The following XPO5 variants were observed in gnomAD, a reference collection of about 807,000 sequenced individuals.
The protein encoded by XPO5 is exportin-5.
XPO5 carries 46 observed loss-of-function variants against 160.6 expected under a neutral mutation model. The observed-to-expected ratio is 0.29, with a 90% confidence interval of 0.23 to 0.37. The LOEUF (loss-of-function observed/expected upper bound fraction) is 0.37, where lower values mean the gene tolerates loss of function less well. Among genes scored for constraint, XPO5 ranks in the 10% least tolerant of loss-of-function variants. The pLI, the probability that XPO5 is intolerant of heterozygous loss-of-function variation, is 1.00. For missense variants in XPO5, 1,090 were observed against 1,463.9 expected (o/e 0.74, Z 4.17); for synonymous variants, 537 against 519.3 (o/e 1.03, Z -0.46).
At chr6:43,552,821 A>C (rs560082375) in intron 14 of XPO5, among the ~76,000 whole-genome samples, 1 of 152,282 alleles carries the variant, frequency 6.6e-6, no homozygotes, top group Non-Finnish European at 1.5e-5. Context: ...TGGCCACTAT[A>C]CTGGTGGCGT....
chr6:43,572,595 A>G lies in XPO5; in HGVS notation c.228-17T>C. The G allele has an allele frequency of 1.2e-6, 2 of 1,613,490 alleles. No homozygotes were observed. The highest frequency in any genetic ancestry group is 2.2e-5 in the East Asian group (1 of 44,882). Reference sequence around the variant, plus strand: ...CACCGAAACCTGACCACCAAAATGCATAAAGTCAATAGAACCACTTTAGAA... The same window carrying G: ...CACCGAAACCTGACCACCAAAATGCGTAAAGTCAATAGAACCACTTTAGAA... On this transcript the variant is annotated splice_polypyrimidine_tract_variant and intron_variant, in intron 2 of 31. Coordinates refer to ENST00000265351, the MANE Select transcript of XPO5 (RefSeq NM_020750.3).
intron 12 of XPO5, 104 bp from the exon 13 acceptor site, chr6:43,556,068 G>T (rs1007184556): frequency 2.0e-6 from 3 of 1,465,926 alleles, no homozygotes; most frequent in Admixed American, 4.4e-5. Context: ...GCATTCAAAG[G>T]AACTGTTTTG....
intron 2 of XPO5, among the ~76,000 whole-genome samples, chr6:43,573,021 A>G (rs982198750): frequency 2.6e-5 from 4 of 152,196 alleles, no homozygotes; most frequent in Admixed American, 1.3e-4. Context: ...TGTTGAGGGT[A>G]GGACAATCAA....
chr6:43,530,708 TAGTC>T lies in XPO5; in HGVS notation c.2653_2656del (p.Asp885ThrfsTer11). ...GATATGAAGCATGGGTCTGAGTCGG[TAGTC>T]AGGAATATTGTTCAAGTTGACAAAG... On this transcript the variant is annotated frameshift_variant, in exon 23 of 32. Coordinates refer to ENST00000265351, the MANE Select transcript of XPO5 (RefSeq NM_020750.3). LOFTEE classifies it high-confidence loss of function. The T allele has an allele frequency of 6.2e-7, 1 of 1,613,986 alleles. No individual in the cohort carries two copies. The highest frequency in any genetic ancestry group is 8.5e-7 in the Non-Finnish European group (1 of 1,179,894).
chr6:43,529,595 T>C (rs1793832885), intron 23 of XPO5: 2 of 187,110 alleles, frequency 1.1e-5, no homozygotes, highest in Non-Finnish European at 2.2e-5. Context: ...ATTCAACTAT[T>C]AATAAGGGTC....
chr6:43,563,645 G>A (rs952590958), intron 8 of XPO5, among the ~76,000 whole-genome samples: 2 of 152,174 alleles, frequency 1.3e-5, no homozygotes, highest in Non-Finnish European at 2.9e-5. Context: ...ATTGCTCCTA[G>A]GCTACAAACC....
chr6:43,530,971 A>G, intron 22 of XPO5, 147 bp from the exon 23 acceptor site: 1 of 1,068,408 alleles, frequency 9.4e-7, no homozygotes, highest in East Asian at 2.6e-5. Flanking sequence ...TTATAGATAC[A>G]GCATCTTTTT....
chr6:43,573,373 T>C (rs888788257), intron 2 of XPO5, 107 bp downstream of exon 2: 1 of 1,426,498 alleles, frequency 7.0e-7, no homozygotes, highest in African/African-American at 1.4e-5. Context: ...TCCTCTCTTC[T>C]TGGAGATTGC....
intron 27 of XPO5, 109 bp downstream of exon 27, chr6:43,526,576 A>G (rs1472183645): frequency 2.9e-5 from 36 of 1,231,800 alleles, no homozygotes; most frequent in Non-Finnish European, 4.2e-5. Context: ...TGATAACTAC[A>G]TGTAGGGTGT....
chr6:43,525,407 G>A (rs1793517121), intron 28 of XPO5, 193 bp from the exon 29 acceptor site: 2 of 595,900 alleles, frequency 3.4e-6, no homozygotes, highest in Middle Eastern at 9.0e-4. Flanking sequence ...CGAATAGCTG[G>A]GACTACAGGT....
At chr6:43,559,400 G>C (rs1762290289) in intron 11 of XPO5, among the ~76,000 whole-genome samples, 1 of 152,188 alleles carries the variant, frequency 6.6e-6, no homozygotes, top group Admixed American at 6.5e-5. Flanking sequence ...TACAAATTGA[G>C]ATTAACAATC....
rs1793290649 is a variant in XPO5 at position 43,522,987 on chromosome 6, TTA to T, written c.*879_*880del. On this transcript the variant is annotated 3_prime_UTR_variant, in exon 32 of 32. Transcript: ENST00000265351. ...ATGAGATTGTGGAAGGCACCTGGACTTAGTCCTAGGAGAAGACCAGCGGCTTT... is the reference window on the plus strand; with the variant it reads ...ATGAGATTGTGGAAGGCACCTGGACTGTCCTAGGAGAAGACCAGCGGCTTT... The T allele has an allele frequency of 5.8e-6, 1 of 172,316 alleles. No individual in the cohort carries two copies. The highest frequency in any genetic ancestry group is 2.4e-5 in the African/African-American group (1 of 42,016). The allele number at this position is 172,316 out of a possible 1,614,324, so 10.7% of individuals were successfully genotyped here. A position where few individuals can be genotyped will look rare whatever the true frequency, so the allele number is the denominator to read the frequency against.
rs751571834 is a variant in XPO5, at chr6:43,561,026, A to G, written c.1012-19T>C. ...CTGCACCCTGTAGGAGAAGACCACT[A>G]TATTAACGGTGTTGATCGAGAAAAG... On this transcript the variant is annotated intron_variant, in intron 9 of 31. Transcript: ENST00000265351. 3.1e-6 allele frequency: 5 copies of G among 1,592,112 alleles called. No homozygotes were observed. Among genetic ancestry groups the G allele is most frequent in the Non-Finnish European group, 4.3e-6 (5 of 1,160,322 alleles).
rs1003747718 is a variant in XPO5, at chr6:43,527,139, A to C, written c.2921-392T>G. 8.3e-5 allele frequency: 19 copies of C among 229,902 alleles called. No individual in the cohort carries two copies. The Admixed American group carries it at 8.6e-4, about 10-fold the overall frequency. The allele number at this position is 229,902 out of a possible 1,614,324, so 14.2% of individuals were successfully genotyped here. ...TTGACAAAACTAGGAAGTTATTCCT[A>C]ATGAATCCAAATTCCTTCTGCTATT... On this transcript the variant is annotated intron_variant, in intron 26 of 31. Coordinates refer to ENST00000265351, the MANE Select transcript of XPO5 (RefSeq NM_020750.3).
chr6:43,549,748 G>T, intron 16 of XPO5, 145 bp downstream of exon 16: 2 of 1,122,406 alleles, frequency 1.8e-6, no homozygotes, highest in Non-Finnish European at 2.6e-6. Context: ...TTTCTTGTAT[G>T]CCCTATAGTG....
intron 6 of XPO5, 115 bp from the exon 7 acceptor site, chr6:43,567,469 A>ATT (rs1762754905): frequency 2.2e-6 from 2 of 915,030 alleles, no homozygotes; most frequent in Admixed American, 6.6e-5. Flanking sequence ...TTAAGAATAT[A>ATT]CTCATGTAAC....
chr6:43,529,504 A>C (rs1793822508), intron 23 of XPO5: 2 of 262,828 alleles, frequency 7.6e-6, no homozygotes, highest in Admixed American at 1.0e-4. Context: ...CAGTGAGCCG[A>C]GATCACGCCA....
At position 43,523,636 on chromosome 6, in the gene XPO5, T is replaced by G. The variant is rs1332136924; in HGVS notation, c.*232A>C. 1.3e-6 allele frequency: 1 copy of G among 779,564 alleles called. No homozygotes were observed. Among genetic ancestry groups the G allele is most frequent in the South Asian group, 1.4e-5 (1 of 73,964 alleles). The allele number at this position is 779,564 out of a possible 1,614,324, so 48.3% of individuals were successfully genotyped here. A position where few individuals can be genotyped will look rare whatever the true frequency, so the allele number is the denominator to read the frequency against. ...AAATCTCCAAGTAGAATGGGAACTA[T>G]CTGGGACATCTAGACAGAATAGTTT... On this transcript the variant is annotated 3_prime_UTR_variant, in exon 32 of 32. Coordinates refer to ENST00000265351, the MANE Select transcript of XPO5 (RefSeq NM_020750.3).
chr6:43,553,367 A>G lies in XPO5; in HGVS notation c.1572+6T>C. ...CATGCAGTCAGCATGGGAAATAATT[A>G]CTTACTTCTCTATTTAGTGTTCGAA... is the stretch of plus-strand genomic sequence containing the variant. On this transcript the variant is annotated splice_donor_region_variant and intron_variant, in intron 14 of 31. Coordinates refer to ENST00000265351, the MANE Select transcript of XPO5 (RefSeq NM_020750.3). The G allele has an allele frequency of 3.1e-6, 5 of 1,605,602 alleles. No individual in the cohort carries two copies. The highest frequency in any genetic ancestry group is 4.3e-6 in the Non-Finnish European group (5 of 1,176,162).
Sources: gnomAD v4.1 joint callset for allele counts (sites outside exome capture counted in the v4.1 genomes callset) on GRCh38, gnomAD v4.1.1 for gene constraint, MANE v1.5 for transcripts, NCBI Gene and HGNC (gene_info 2026-07-23, HGNC 2026-07-21) for gene names.